The following CRPPA variants were observed in gnomAD, a reference collection of about 807,000 sequenced individuals.
The protein encoded by CRPPA is D-ribitol-5-phosphate cytidylyltransferase.
In CRPPA, 43 loss-of-function variants were observed where a neutral mutation model predicts 52.0. The observed-to-expected ratio is 0.83, with a 90% confidence interval of 0.65 to 1.07. The LOEUF is 1.07. CRPPA is among the 50% of genes least tolerant of loss of function. The probability of loss-of-function intolerance (pLI) is 0.00; values close to 1 mark genes in which losing one functional copy is unlikely to be tolerated. For synonymous variants in CRPPA, 250 were observed against 203.5 expected (o/e 1.23, Z -1.94); for missense variants, 629 against 551.7 (o/e 1.14, Z -1.40).
At chr7:16,254,061 T>C (rs1028277351) in intron 8 of CRPPA, among the ~76,000 whole-genome samples, 33 of 152,254 alleles carry the variant, frequency 2.2e-4, no homozygotes, top group African/African-American at 7.9e-4. Context: ...GCAGTTAGAA[T>C]GGCGATCATT....
intron 9 of CRPPA, among the ~76,000 whole-genome samples, chr7:16,204,450 T>C (rs938778120): frequency 6.6e-6 from 1 of 152,000 alleles, no homozygotes; most frequent in East Asian, 1.9e-4. Context: ...AGGGGAATGA[T>C]AGACATTGGA....
chr7:16,190,743 C>G (rs10227938), intron 9 of CRPPA, among the ~76,000 whole-genome samples: 5,845 of 152,110 alleles, frequency 0.038, 348 homozygotes, highest in East Asian at 0.29. Flanking sequence ...GCATCCAATG[C>G]GTAGTCTTTT....
intron 9 of CRPPA, among the ~76,000 whole-genome samples, chr7:16,207,412 T>C (rs1781998996): frequency 6.6e-6 from 1 of 152,216 alleles, no homozygotes; most frequent in Non-Finnish European, 1.5e-5. Flanking sequence ...CTACCCTTCA[T>C]GCTTTCAAGT....
intron 9 of CRPPA, among the ~76,000 whole-genome samples, chr7:16,150,490 T>C (rs1199365623): frequency 1.3e-5 from 2 of 152,268 alleles, no homozygotes; most frequent in East Asian, 3.9e-4. Context: ...ACTTTGAAAA[T>C]ATGAAGCATG....
Position 16,321,123 on chromosome 7 carries a change from A to G in CRPPA, c.685-12496T>C, listed in dbSNP as rs78184978. 7.9e-5 allele frequency among the ~76,000 whole-genome samples: 12 copies of G among 152,270 alleles called. No individual in the cohort carries two copies. In the East Asian group the frequency reaches 2.3e-3, roughly 29 times the overall value. On this transcript the variant is annotated intron_variant, in intron 3 of 9. Coordinates refer to ENST00000407010, the MANE Select transcript of CRPPA (RefSeq NM_001101426.4). ...AATCCATTACAAACTTAGAGGCAAC[A>G]CCACCCATATCTATCAAACACTGCC...
chr7:16,109,666 C>T (rs1782222377), intron 9 of CRPPA, among the ~76,000 whole-genome samples: 2 of 151,920 alleles, frequency 1.3e-5, no homozygotes, highest in African/African-American at 4.8e-5. Flanking sequence ...ATATACAAAT[C>T]AACAAGTGCT....
intron 4 of CRPPA, among the ~76,000 whole-genome samples, chr7:16,302,701 C>A (rs1389982308): frequency 6.6e-6 from 1 of 152,112 alleles, no homozygotes; most frequent in African/African-American, 2.4e-5. Flanking sequence ...TAGGTGAGTG[C>A]CAGGTGTTGG....
chr7:16,381,204 T>C (rs1787077734), intron 2 of CRPPA, among the ~76,000 whole-genome samples: 1 of 152,232 alleles, frequency 6.6e-6, no homozygotes, highest in Non-Finnish European at 1.5e-5. Flanking sequence ...TTGTTCTGGT[T>C]GGTTTCAAAG....
intron 9 of CRPPA, among the ~76,000 whole-genome samples, chr7:16,099,932 C>A (rs773957421): frequency 6.6e-6 from 1 of 152,162 alleles, no homozygotes; most frequent in Non-Finnish European, 1.5e-5. Flanking sequence ...CCACTGTAAG[C>A]CTACATTAAC....
intron 8 of CRPPA, among the ~76,000 whole-genome samples, chr7:16,225,849 T>C (rs186415302): frequency 7.9e-4 from 120 of 152,136 alleles, no homozygotes; most frequent in African/African-American, 2.8e-3. Context: ...GAATTGATTC[T>C]GTTTTATGTA....
chr7:16,345,124 G>A (rs1785979117), intron 3 of CRPPA, among the ~76,000 whole-genome samples: 2 of 152,138 alleles, frequency 1.3e-5, no homozygotes, highest in Admixed American at 6.5e-5. Flanking sequence ...TACTCATCAT[G>A]CACAACATTC....
intron 6 of CRPPA, chr7:16,276,554 C>G (rs1784207684): frequency 6.6e-6 from 1 of 152,122 alleles, no homozygotes; most frequent in Non-Finnish European, 1.5e-5. Flanking sequence ...TTAATCTAGC[C>G]AAAACCACCT....
chr7:16,170,439 G>C (rs1228126990), intron 9 of CRPPA, among the ~76,000 whole-genome samples: 1 of 152,188 alleles, frequency 6.6e-6, no homozygotes, highest in East Asian at 1.9e-4. Context: ...CTTCCTTCTG[G>C]TGGGTTTGTG....
intron 9 of CRPPA, among the ~76,000 whole-genome samples, chr7:16,162,800 G>A (rs1264533821): frequency 6.6e-6 from 1 of 151,788 alleles, no homozygotes; most frequent in African/African-American, 2.4e-5. Context: ...CACTATTATT[G>A]TGTGGGAGTC....
intron 2 of CRPPA, among the ~76,000 whole-genome samples, chr7:16,402,378 C>G (rs986128415): frequency 1.3e-5 from 2 of 152,112 alleles, no homozygotes; most frequent in Admixed American, 1.3e-4. Flanking sequence ...AAATCCTTGC[C>G]TCAGAAACAC....
intron 9 of CRPPA, among the ~76,000 whole-genome samples, chr7:16,160,255 G>T (rs181806612): frequency 1.3e-5 from 2 of 152,260 alleles, no homozygotes; most frequent in Admixed American, 1.3e-4. Flanking sequence ...CCTATGTCCT[G>T]AATAGTACTG....
At chr7:16,238,201 A>C (rs1250575994) in intron 8 of CRPPA, among the ~76,000 whole-genome samples, 1 of 152,202 alleles carries the variant, frequency 6.6e-6, no homozygotes, top group African/African-American at 2.4e-5. Flanking sequence ...AGAATATTTC[A>C]GAAATCTAAA....
chr7:16,408,708 C>T (rs931354860), intron 1 of CRPPA, among the ~76,000 whole-genome samples: 7 of 152,084 alleles, frequency 4.6e-5, no homozygotes, highest in African/African-American at 1.4e-4. Flanking sequence ...CCTTAAATGG[C>T]AAACAGGACT....
chr7:16,421,033 G>A, intron 1 of CRPPA, 33 bp downstream of exon 1: 1 of 1,264,010 alleles, frequency 7.9e-7, no homozygotes, highest in Non-Finnish European at 1.0e-6. Flanking sequence ...CCGGGCCCCA[G>A]GGAACCGCGG....
Sources: gnomAD v4.1 joint callset for allele counts (sites outside exome capture counted in the v4.1 genomes callset) on GRCh38, gnomAD v4.1.1 for gene constraint, MANE v1.5 for transcripts, NCBI Gene and HGNC (gene_info 2026-07-23, HGNC 2026-07-21) for gene names.